Variants in RAB38 observed in about 807,000 individuals in gnomAD.
RAB38 encodes the protein ras-related protein Rab-38.
A neutral mutation model predicts 18.4 loss-of-function variants in RAB38; 15 were observed. The ratio of observed to expected loss-of-function variants is 0.82; its 90% CI spans 0.55 to 1.26. The LOEUF is 1.26. Ranked by LOEUF, RAB38 falls within the 50% of genes most tolerant of loss-of-function variation. The probability of loss-of-function intolerance (pLI) is 0.00; values close to 1 mark genes in which losing one functional copy is unlikely to be tolerated. For synonymous variants in RAB38, 101 were observed against 104.4 expected (o/e 0.97, Z 0.20); for missense variants, 294 against 267.4 (o/e 1.10, Z -0.69).
chr11:88,114,842 T>C (rs1411493804), intron 2 of RAB38, among the ~76,000 whole-genome samples: 1 of 152,222 alleles, frequency 6.6e-6, no homozygotes, highest in East Asian at 1.9e-4. Flanking sequence ...AATCAGCCCA[T>C]GCTATGTAGT....
the RAB38 span, among the ~76,000 whole-genome samples, chr11:87,878,054 GAATTT>G: frequency 2.7e-5 from 4 of 150,650 alleles, no homozygotes; most frequent in Non-Finnish European, 5.9e-5. Context: ...GAGCCAGAGA[GAATTT>G]AAATTATCTA....
chr11:88,025,506 T>C, the RAB38 span, among the ~76,000 whole-genome samples: 5 of 152,218 alleles, frequency 3.3e-5, no homozygotes, highest in Non-Finnish European at 5.9e-5. Context: ...CAACAGTGTA[T>C]GTGTTCCCTT....
chr11:87,872,529 T>C, the RAB38 span, among the ~76,000 whole-genome samples: 1 of 151,500 alleles, frequency 6.6e-6, no homozygotes. Context: ...AAATGTGTAG[T>C]GATATATATC....
At chr11:87,851,843 G>C in the RAB38 span, among the ~76,000 whole-genome samples, 1 of 152,090 alleles carries the variant, frequency 6.6e-6, no homozygotes, top group African/African-American at 2.4e-5. Flanking sequence ...GGTTTTCCTA[G>C]ACACTTTTAG....
chr11:88,051,994 A>G, the RAB38 span, among the ~76,000 whole-genome samples: 1 of 152,132 alleles, frequency 6.6e-6, no homozygotes, highest in Non-Finnish European at 1.5e-5. Context: ...ATGGTGACTC[A>G]TGCCTGTAAT....
the RAB38 span, among the ~76,000 whole-genome samples, chr11:87,961,877 A>C: frequency 2.0e-5 from 3 of 152,154 alleles, no homozygotes; most frequent in Admixed American, 2.0e-4. Flanking sequence ...TTTTCCAAGA[A>C]GACTTGAGGT....
chr11:88,163,242 C>G (rs1447886648), intron 1 of RAB38, among the ~76,000 whole-genome samples: 1 of 152,114 alleles, frequency 6.6e-6, no homozygotes, highest in Non-Finnish European at 1.5e-5. Context: ...TTTATGCTCA[C>G]AATGCACTTC....
At chr11:88,045,115 T>G in the RAB38 span, among the ~76,000 whole-genome samples, 4 of 152,220 alleles carry the variant, frequency 2.6e-5, no homozygotes, top group East Asian at 7.7e-4. Flanking sequence ...GTGGCTCGTT[T>G]GGCAGCAACC....
At chr11:88,077,388 C>T in the RAB38 span, among the ~76,000 whole-genome samples, 2 of 152,022 alleles carry the variant, frequency 1.3e-5, no homozygotes, top group Non-Finnish European at 1.5e-5. Flanking sequence ...AATCACACTA[C>T]CTGATTTCAG....
chr11:88,032,754 T>C, the RAB38 span, among the ~76,000 whole-genome samples: 22 of 152,260 alleles, frequency 1.4e-4, no homozygotes, highest in South Asian at 6.2e-4. Flanking sequence ...TGTGAAGAAA[T>C]AGGAACACTT....
At chr11:87,879,165 C>T in the RAB38 span, among the ~76,000 whole-genome samples, 1 of 151,244 alleles carries the variant, frequency 6.6e-6, no homozygotes, top group African/African-American at 2.4e-5. Context: ...CATTGTTTAC[C>T]AATTCCTACA....
the RAB38 span, among the ~76,000 whole-genome samples, chr11:88,079,646 A>G: frequency 2.0e-5 from 3 of 151,844 alleles, no homozygotes; most frequent in East Asian, 5.8e-4. Context: ...CAATAATATT[A>G]AGAAAATATG....
chr11:87,828,480 G>T, the RAB38 span, among the ~76,000 whole-genome samples: 119 of 152,310 alleles, frequency 7.8e-4, no homozygotes, highest in Admixed American at 2.5e-3. Flanking sequence ...CAATGGGTTT[G>T]CATCCTTTCC....
chr11:88,152,526 T>C (rs1035855333), intron 1 of RAB38, among the ~76,000 whole-genome samples: 1 of 152,194 alleles, frequency 6.6e-6, no homozygotes, highest in Admixed American at 6.5e-5. Flanking sequence ...GATGTTTATA[T>C]GTTCAGGTCA....
At chr11:88,173,735 C>T (rs2134862600) in intron 1 of RAB38, 1 of 985,346 alleles carries the variant, frequency 1.0e-6, no homozygotes, top group Non-Finnish European at 1.2e-6. Flanking sequence ...ATGAAAAGCC[C>T]CATCCAACAG....
chr11:87,954,447 T>C, the RAB38 span, among the ~76,000 whole-genome samples: 1 of 152,192 alleles, frequency 6.6e-6, no homozygotes, highest in African/African-American at 2.4e-5. Flanking sequence ...GGAATTTGTG[T>C]GCTGTGTTGT....
the RAB38 span, among the ~76,000 whole-genome samples, chr11:87,956,353 G>C: frequency 6.7e-6 from 1 of 149,874 alleles, no homozygotes; most frequent in Non-Finnish European, 1.5e-5. Context: ...GTTGTGAGAA[G>C]AACAAAAATA....
the RAB38 span, among the ~76,000 whole-genome samples, chr11:87,919,874 A>C: frequency 6.6e-6 from 1 of 151,892 alleles, no homozygotes; most frequent in Non-Finnish European, 1.5e-5. Context: ...ATTTAACTTA[A>C]ATTTGTTGGC....
At chr11:87,890,909 T>TA in the RAB38 span, among the ~76,000 whole-genome samples, 3 of 151,592 alleles carry the variant, frequency 2.0e-5, no homozygotes, top group Non-Finnish European at 2.9e-5. Flanking sequence ...GAACCCTTGT[T>TA]AAAAAAAATA....
Sources: gnomAD v4.1 joint callset for allele counts (sites outside exome capture counted in the v4.1 genomes callset) on GRCh38, gnomAD v4.1.1 for gene constraint, MANE v1.5 for transcripts, NCBI Gene and HGNC (gene_info 2026-07-23, HGNC 2026-07-21) for gene names.